Variants in OSBPL9 observed in about 807,000 individuals in gnomAD.
The protein encoded by OSBPL9 is oxysterol binding protein like 9, also known as oxysterol-binding protein-related protein 9.
In OSBPL9, 40 loss-of-function variants were observed where a neutral mutation model predicts 106.6. The ratio of observed to expected loss-of-function variants is 0.38; its 90% CI spans 0.29 to 0.49. The LOEUF is 0.49. Ranked by LOEUF, OSBPL9 falls within the 20% of genes least tolerant of loss-of-function variation. OSBPL9 has a pLI of 0.97. For missense variants in OSBPL9, 609 were observed against 887.2 expected, an observed-to-expected ratio of 0.69 and a Z score of 3.98; for synonymous variants, 269 against 295.4, an observed-to-expected ratio of 0.91 and a Z score of 0.92.
intron 4 of OSBPL9, among the ~76,000 whole-genome samples, chr1:51,736,053 T>C (rs1665618224): frequency 6.6e-6 from 1 of 152,198 alleles, no homozygotes; most frequent in South Asian, 2.1e-4. Flanking sequence ...CTTTTTGTGT[T>C]TAAATGTTAA....
At chr1:51,592,281 A>G (rs971674814) in intron 1 of OSBPL9, among the ~76,000 whole-genome samples, 25 of 151,540 alleles carry the variant, frequency 1.6e-4, no homozygotes, top group African/African-American at 5.8e-4. Context: ...CACCCGGCTA[A>G]TTTTTTGTAT....
chr1:51,778,215 T>C (rs898389276), intron 15 of OSBPL9, among the ~76,000 whole-genome samples: 1 of 152,022 alleles, frequency 6.6e-6, no homozygotes, highest in Non-Finnish European at 1.5e-5. Context: ...ATCATACAAA[T>C]ACTCCATTAA....
At chr1:51,547,856 T>C in the OSBPL9 span, among the ~76,000 whole-genome samples, 1 of 151,572 alleles carries the variant, frequency 6.6e-6, no homozygotes. Context: ...ATCTCAAATA[T>C]ATATATATAA....
upstream of OSBPL9, among the ~76,000 whole-genome samples, chr1:51,612,794 A>G (rs1643997351): frequency 6.6e-6 from 1 of 152,252 alleles, no homozygotes; most frequent in Non-Finnish European, 1.5e-5. Flanking sequence ...ATCTTAGCCA[A>G]ATAACTGAGA....
At chr1:51,547,678 T>C in the OSBPL9 span, among the ~76,000 whole-genome samples, 1 of 151,988 alleles carries the variant, frequency 6.6e-6, no homozygotes, top group Non-Finnish European at 1.5e-5. Context: ...ACCCCATCTC[T>C]ACTAAAAATA....
chr1:51,576,560 C>T (rs1645185294), upstream of OSBPL9, among the ~76,000 whole-genome samples: 1 of 151,958 alleles, frequency 6.6e-6, no homozygotes, highest in Non-Finnish European at 1.5e-5. Context: ...CAGGGTCTTG[C>T]TCTGTCGCCC....
intron 3 of OSBPL9, chr1:51,709,675 C>G (rs571285102): frequency 6.5e-6 from 1 of 153,460 alleles, no homozygotes; most frequent in East Asian, 1.9e-4. Flanking sequence ...CTCCCTGACC[C>G]CAAGAACACC....
chr1:51,685,471 G>A (rs1255584986), intron 3 of OSBPL9, among the ~76,000 whole-genome samples: 1 of 151,696 alleles, frequency 6.6e-6, no homozygotes, highest in Non-Finnish European at 1.5e-5. Flanking sequence ...ATAGTGGCAT[G>A]ATCTTGGCTC....
At chr1:51,652,361 C>G (rs1417968330) in intron 2 of OSBPL9, among the ~76,000 whole-genome samples, 2 of 152,152 alleles carry the variant, frequency 1.3e-5, no homozygotes, top group Admixed American at 6.5e-5. Flanking sequence ...GGTATATCAA[C>G]AGTAGAAAAA....
At chr1:51,663,178 A>T (rs1647501140) in intron 2 of OSBPL9, among the ~76,000 whole-genome samples, 1 of 152,178 alleles carries the variant, frequency 6.6e-6, no homozygotes, top group African/African-American at 2.4e-5. Flanking sequence ...TGAGACCTCT[A>T]CTCAGGAAAT....
At chr1:51,576,438 A>G (rs1645184374), upstream of OSBPL9, among the ~76,000 whole-genome samples, 1 of 152,024 alleles carries the variant, frequency 6.6e-6, no homozygotes, top group African/African-American at 2.4e-5. Context: ...CTCCCTAAAA[A>G]CTTCACCTTA....
chr1:51,704,813 A>C (rs1658081106), intron 3 of OSBPL9, among the ~76,000 whole-genome samples: 1 of 152,180 alleles, frequency 6.6e-6, no homozygotes. Context: ...GGATTTCAAC[A>C]TAGGAATTTT....
chr1:51,642,689 T>C (rs182938896), intron 1 of OSBPL9, among the ~76,000 whole-genome samples: 2 of 152,324 alleles, frequency 1.3e-5, no homozygotes, highest in East Asian at 3.9e-4. Context: ...TATCTGGAGT[T>C]TTATCTCTTT....
At chr1:51,717,534 G>C (rs1661282030) in intron 4 of OSBPL9, among the ~76,000 whole-genome samples, 1 of 152,036 alleles carries the variant, frequency 6.6e-6, no homozygotes, top group African/African-American at 2.4e-5. Flanking sequence ...GAGACCTTCT[G>C]GTCTGCTGCT....
the OSBPL9 span, among the ~76,000 whole-genome samples, chr1:51,542,744 C>A: frequency 6.6e-6 from 1 of 152,186 alleles, no homozygotes. Flanking sequence ...GGTCACTGGA[C>A]CAAAGTTCAA....
intron 1 of OSBPL9, among the ~76,000 whole-genome samples, chr1:51,636,337 C>CTT (rs879261964): frequency 1.1e-3 from 152 of 139,322 alleles, no homozygotes; most frequent in African/African-American, 3.7e-3. Context: ...CCACTTCATT[C>CTT]TTTTTTTTTT....
At chr1:51,599,435 G>C (rs1570538255) in intron 2 of OSBPL9, among the ~76,000 whole-genome samples, 1 of 152,052 alleles carries the variant, frequency 6.6e-6, no homozygotes. Context: ...TGGCTTCTTT[G>C]TTTTTATATT....
chr1:51,573,797 G>C (rs1326441932), upstream of OSBPL9, among the ~76,000 whole-genome samples: 3 of 145,232 alleles, frequency 2.1e-5, no homozygotes, highest in East Asian at 3.9e-4. Context: ...CTGAGCGACA[G>C]AGTGAGACTC....
In OSBPL9 at chr1:51,784,428, T is replaced by C; in HGVS notation, c.1689-14T>C. The C allele has an allele frequency of 1.1e-5, 18 of 1,613,874 alleles. No individual in the cohort carries two copies. Among genetic ancestry groups the C allele is most frequent in the Non-Finnish European group, 1.5e-5 (18 of 1,179,750 alleles). On this transcript the variant is annotated splice_polypyrimidine_tract_variant and intron_variant, in intron 19 of 23. Coordinates refer to ENST00000428468, the MANE Select transcript of OSBPL9 (RefSeq NM_024586.6). ...TTAACTGTCAACCTTACCTAAAAAC[T>C]TTTGATTTTGCAGGTCTATCCTCAC...
Sources: gnomAD v4.1 joint callset for allele counts (sites outside exome capture counted in the v4.1 genomes callset) on GRCh38, gnomAD v4.1.1 for gene constraint, MANE v1.5 for transcripts, NCBI Gene and HGNC (gene_info 2026-07-23, HGNC 2026-07-21) for gene names.